GABRA3: variants seen among roughly 807,000 people sequenced by gnomAD.
The protein encoded by GABRA3 is gamma-aminobutyric acid receptor subunit alpha-3.
In GABRA3, 10 loss-of-function variants were observed where a neutral mutation model predicts 30.1. The observed-to-expected ratio is 0.33, with a 90% CI of 0.20 to 0.56. GABRA3 has a LOEUF of 0.56. Among genes scored for constraint, GABRA3 ranks in the 20% least tolerant of loss-of-function variants. The pLI is 0.89. For synonymous variants in GABRA3, 151 were observed against 146.8 expected, an observed-to-expected ratio of 1.03 and a Z score of -0.21; for missense variants, 233 against 392.0, an observed-to-expected ratio of 0.59 and a Z score of 3.42.
At chrX:152,219,836 A>ATACTATAGGCATAG (rs1556765429) in intron 6 of GABRA3, among the ~76,000 whole-genome samples, 14 of 110,933 alleles carry the variant, frequency 1.3e-4, no homozygotes, top group African/African-American at 4.3e-4. Flanking sequence ...ATAAAGCACT[A>ATACTATAGGCATAG]TATACTATAC....
chrX:152,234,002 C>G (rs1938144393), intron 5 of GABRA3, among the ~76,000 whole-genome samples: 1 of 93,641 alleles, frequency 1.1e-5, no homozygotes, highest in African/African-American at 4.0e-5. Context: ...ACAATGGGAA[C>G]ACATGGACAC....
chrX:152,181,624 C>T (rs192041576), intron 9 of GABRA3, among the ~76,000 whole-genome samples: 4 of 108,762 alleles, frequency 3.7e-5, no homozygotes, highest in African/African-American at 1.3e-4. Flanking sequence ...TGAACAATGA[C>T]AACACATGGA....
intron 3 of GABRA3, among the ~76,000 whole-genome samples, chrX:152,297,347 A>G (rs992597988): frequency 8.9e-6 from 1 of 112,335 alleles, no homozygotes; most frequent in African/African-American, 3.2e-5. Flanking sequence ...TTCTTGTGCC[A>G]TCACTCTCAG....
chrX:152,248,349 T>C (rs1394055443), intron 5 of GABRA3, among the ~76,000 whole-genome samples: 1 of 111,730 alleles, frequency 9.0e-6, no homozygotes. Flanking sequence ...AGTATGCCAC[T>C]CAAGGCCTGG....
chrX:152,287,778 T>A (rs1939324314), intron 3 of GABRA3, among the ~76,000 whole-genome samples: 1 of 109,922 alleles, frequency 9.1e-6, no homozygotes, highest in Non-Finnish European at 1.9e-5. Flanking sequence ...CTTCTATTTC[T>A]TTTTTTTCTT....
chrX:152,450,269 C>T (rs1229128641), intron 1 of GABRA3, among the ~76,000 whole-genome samples: 1 of 110,251 alleles, frequency 9.1e-6, no homozygotes, highest in East Asian at 2.8e-4. Context: ...CCCGCAGCCA[C>T]AGCCACAGCC....
chrX:152,335,000 G>A (rs1262651085), intron 3 of GABRA3, among the ~76,000 whole-genome samples: 4 of 111,517 alleles, frequency 3.6e-5, no homozygotes, highest in Non-Finnish European at 5.6e-5. Context: ...CCAGGAATAA[G>A]CTACCTGTTG....
chrX:152,344,045 C>T (rs1940354793), intron 3 of GABRA3, among the ~76,000 whole-genome samples: 1 of 111,351 alleles, frequency 9.0e-6, no homozygotes, highest in Non-Finnish European at 1.9e-5. Context: ...GCAATGAGAT[C>T]CTAGCAGTAA....
chrX:152,195,041 T>C (rs1369129206), intron 8 of GABRA3, among the ~76,000 whole-genome samples: 1 of 112,459 alleles, frequency 8.9e-6, no homozygotes, highest in African/African-American at 3.2e-5. Context: ...ATTACAGGCA[T>C]GAGCTGCCAC....
intron 1 of GABRA3, among the ~76,000 whole-genome samples, chrX:152,388,864 C>T (rs1321287107): frequency 4.5e-5 from 5 of 112,139 alleles, no homozygotes; most frequent in Non-Finnish European, 9.4e-5. Context: ...AATGGACACT[C>T]AAACAACTCT....
intron 6 of GABRA3, among the ~76,000 whole-genome samples, chrX:152,221,683 T>C (rs1200607240): frequency 3.6e-5 from 4 of 112,019 alleles, no homozygotes; most frequent in Non-Finnish European, 1.9e-5. Context: ...TATCTGCCTG[T>C]TTATCCTCTG....
At chrX:152,395,318 C>A (rs1222010708) in intron 1 of GABRA3, among the ~76,000 whole-genome samples, 1 of 111,439 alleles carries the variant, frequency 9.0e-6, no homozygotes, top group Non-Finnish European at 1.9e-5. Flanking sequence ...GACCACAATT[C>A]AGGAACTAAT....
intron 9 of GABRA3, among the ~76,000 whole-genome samples, chrX:152,182,078 G>GT (rs1165008779): frequency 2.7e-5 from 3 of 109,295 alleles, no homozygotes; most frequent in Non-Finnish European, 5.7e-5. Flanking sequence ...TAGTTGAGAG[G>GT]TTTTTTATCA....
At chrX:152,292,997 C>T (rs771738783) in intron 3 of GABRA3, among the ~76,000 whole-genome samples, 11 of 110,936 alleles carry the variant, frequency 9.9e-5, no homozygotes, top group South Asian at 3.8e-4. Context: ...GGAATAAGTG[C>T]GATGTGGTGC....
intron 4 of GABRA3, among the ~76,000 whole-genome samples, chrX:152,277,791 G>A (rs1939115115): frequency 8.9e-6 from 1 of 111,945 alleles, no homozygotes; most frequent in African/African-American, 3.2e-5. Context: ...TTTCTACACA[G>A]GGCAGAGATG....
intron 2 of GABRA3, among the ~76,000 whole-genome samples, chrX:152,362,931 G>A (rs1394262882): frequency 3.6e-5 from 4 of 111,745 alleles, no homozygotes; most frequent in African/African-American, 1.3e-4. Context: ...GATGGGGGAG[G>A]GAGATGAAGC....
At chrX:152,206,570 G>C (rs1241685544) in intron 7 of GABRA3, among the ~76,000 whole-genome samples, 1 of 111,525 alleles carries the variant, frequency 9.0e-6, no homozygotes, top group Non-Finnish European at 1.9e-5. Flanking sequence ...AGTGAGCCAG[G>C]GACGGGTCCC....
chrX:152,369,126 C>G (rs1603249314), intron 1 of GABRA3, among the ~76,000 whole-genome samples: 1 of 111,263 alleles, frequency 9.0e-6, no homozygotes, highest in Non-Finnish European at 1.9e-5. Context: ...CATGATTGGT[C>G]TTTTTGATAA....
At chrX:152,323,903 A>G (rs186669045) in intron 3 of GABRA3, among the ~76,000 whole-genome samples, 2 of 112,055 alleles carry the variant, frequency 1.8e-5, no homozygotes, top group East Asian at 5.6e-4. Context: ...CATAATTCAA[A>G]CAGCTTAGCT....
Sources: allele counts gnomAD v4.1 joint callset (sites outside exome capture counted in the v4.1 genomes callset), GRCh38; gene constraint gnomAD v4.1.1; transcripts MANE v1.5; gene names NCBI Gene and HGNC (gene_info 2026-07-23, HGNC 2026-07-21).